The following NAV2 variants were observed in gnomAD, a reference collection of about 807,000 sequenced individuals.
The protein encoded by NAV2 is helicase, APC down-regulated 1.
In NAV2, 54 loss-of-function variants were observed where a neutral mutation model predicts 223.2. The observed-to-expected ratio is 0.24, with a 90% confidence interval of 0.19 to 0.30. NAV2 has a LOEUF of 0.30. Among genes scored for constraint, NAV2 ranks in the 10% least tolerant of loss-of-function variants. The pLI is 1.00. For missense variants in NAV2, 2,806 were observed against 3,147.5 expected (o/e 0.89, Z 2.60); for synonymous variants, 1,279 against 1,239.3 (o/e 1.03, Z -0.67).
chr11:19,732,211 A>G (rs1388785343), intron 1 of NAV2, among the ~76,000 whole-genome samples: 2 of 151,696 alleles, frequency 1.3e-5, no homozygotes, highest in Admixed American at 6.6e-5. Flanking sequence ...GTGAGACGAA[A>G]TCATGCCACT....
At chr11:19,395,416 G>T (rs916812233) in intron 1 of NAV2, among the ~76,000 whole-genome samples, 1 of 152,180 alleles carries the variant, frequency 6.6e-6, no homozygotes, top group African/African-American at 2.4e-5. Context: ...TGACAAAACT[G>T]CCCCAGTCAG....
chr11:19,364,232 C>G (rs1414648338), intron 1 of NAV2, among the ~76,000 whole-genome samples: 1 of 152,226 alleles, frequency 6.6e-6, no homozygotes, highest in African/African-American at 2.4e-5. Flanking sequence ...GCTCCTTTCA[C>G]TCCTATCACT....
chr11:19,821,143 T>G lies in NAV2; in HGVS notation c.268-11341T>G, dbSNP rs1302248878. Among the ~76,000 whole-genome samples the G allele has an allele frequency of 3.3e-5, 5 of 151,690 alleles. No homozygotes were observed. In the Middle Eastern group the frequency reaches 0.014, roughly 416 times the overall value. On this transcript the variant is annotated intron_variant, in intron 1 of 37. Transcript: ENST00000349880. ...CAGGCGTGGTGGCAGGCACCTGTAG[T>G]CCCAGCTACTTGGGAGGCTGAGGCA... is the stretch of plus-strand genomic sequence containing the variant.
intron 1 of NAV2, among the ~76,000 whole-genome samples, chr11:19,822,901 G>A (rs1305260421): frequency 2.0e-5 from 3 of 152,148 alleles, no homozygotes; most frequent in Non-Finnish European, 4.4e-5. Flanking sequence ...AGTCTTACCT[G>A]GCTCAAGATC....
intron 1 of NAV2, among the ~76,000 whole-genome samples, chr11:19,583,152 G>T (rs901576317): frequency 6.6e-6 from 1 of 152,168 alleles, no homozygotes; most frequent in African/African-American, 2.4e-5. Flanking sequence ...GTGAATAGGA[G>T]TTCACTCATG....
chr11:19,390,600 G>T (rs1849209479), intron 1 of NAV2, among the ~76,000 whole-genome samples: 1 of 152,140 alleles, frequency 6.6e-6, no homozygotes, highest in South Asian at 2.1e-4. Flanking sequence ...CAAACCAAAT[G>T]GTCAGGGAAT....
At chr11:19,514,981 C>G (rs1010588433) in intron 1 of NAV2, among the ~76,000 whole-genome samples, 4 of 152,168 alleles carry the variant, frequency 2.6e-5, no homozygotes, top group Admixed American at 6.5e-5. Context: ...TCCTTCCCAG[C>G]TGAATGTCTG....
chr11:19,981,277 C>G (rs1212463882), intron 10 of NAV2: 1 of 152,202 alleles, frequency 6.6e-6, no homozygotes, highest in East Asian at 1.9e-4. Flanking sequence ...AGAGGCTTTC[C>G]CGCTTTTCTG....
At chr11:19,441,877 G>A (rs1408175902) in intron 1 of NAV2, among the ~76,000 whole-genome samples, 1 of 152,162 alleles carries the variant, frequency 6.6e-6, no homozygotes, top group Non-Finnish European at 1.5e-5. Flanking sequence ...AATTTGGTCT[G>A]GGAGCTCTCC....
intron 3 of NAV2, among the ~76,000 whole-genome samples, chr11:19,861,552 A>G (rs576886551): frequency 5.9e-5 from 9 of 152,342 alleles, no homozygotes; most frequent in African/African-American, 1.4e-4. Context: ...CCTAGGGGGT[A>G]GGTGTTATAA....
At chr11:19,827,467 C>T (rs374831506) in intron 1 of NAV2, among the ~76,000 whole-genome samples, 11 of 152,254 alleles carry the variant, frequency 7.2e-5, no homozygotes, top group South Asian at 6.2e-4. Context: ...GTTTGCCAGC[C>T]GCTGCCTTAT....
intron 1 of NAV2, among the ~76,000 whole-genome samples, chr11:19,498,464 G>A (rs2042867377): frequency 1.3e-5 from 2 of 152,232 alleles, no homozygotes; most frequent in Non-Finnish European, 2.9e-5. Flanking sequence ...GAAAGGTGCA[G>A]TTAGAACTCA....
rs73418267 is a variant in NAV2 at position 19,495,111 on chromosome 11, C to A, written c.75+144084C>A. Reference sequence around the variant, plus strand: ...TGGACTGGACAGTTTGGAGGGGACACTTATCAGCCCCTTAGGTCACAGCAT... The same window carrying A: ...TGGACTGGACAGTTTGGAGGGGACAATTATCAGCCCCTTAGGTCACAGCAT... On this transcript the variant is annotated intron_variant, in intron 1 of 37. Transcript: ENST00000360655. Among the ~76,000 whole-genome samples, 1,193 of 152,294 alleles carry A rather than the reference C, an allele frequency of 7.8e-3. 22 individuals are homozygous for A. The highest frequency in any genetic ancestry group is 0.027 in the African/African-American group (1,121 of 41,554).
chr11:19,655,571 A>G (rs2048097332), intron 1 of NAV2, among the ~76,000 whole-genome samples: 2 of 152,158 alleles, frequency 1.3e-5, no homozygotes, highest in African/African-American at 2.4e-5. Context: ...CAAAAAAAGG[A>G]TGAGTTCATG....
At chr11:19,825,185 G>A (rs770878768) in intron 1 of NAV2, among the ~76,000 whole-genome samples, 5 of 148,072 alleles carry the variant, frequency 3.4e-5, no homozygotes, top group South Asian at 2.2e-4. Context: ...CCAGCTACTT[G>A]GGAGGCTGTG....
At chr11:19,588,523 A>C (rs918380813) in intron 1 of NAV2, among the ~76,000 whole-genome samples, 1 of 152,150 alleles carries the variant, frequency 6.6e-6, no homozygotes, top group Admixed American at 6.5e-5. Context: ...GAAGATGATA[A>C]ACAAAGTCCT....
chr11:20,039,807 C>T (rs960195944), intron 12 of NAV2, among the ~76,000 whole-genome samples: 1 of 152,164 alleles, frequency 6.6e-6, no homozygotes, highest in Non-Finnish European at 1.5e-5. Context: ...AAAGATAATT[C>T]CATGTCAGTT....
At chr11:19,540,215 T>C (rs534175429) in intron 1 of NAV2, among the ~76,000 whole-genome samples, 41 of 152,294 alleles carry the variant, frequency 2.7e-4, no homozygotes, top group African/African-American at 9.6e-4. Flanking sequence ...AACTTGTCCC[T>C]GAGCTGCTCC....
rs569385846 is a variant in NAV2 at position 19,793,701 on chromosome 11, T to A, written c.268-38783T>A. Among the ~76,000 whole-genome samples the A allele has an allele frequency of 2.7e-3, 381 of 141,054 alleles. 2 individuals are homozygous for A. The highest frequency in any genetic ancestry group is 0.019 in the East Asian group (54 of 2,868). 92.5% of individuals were successfully genotyped at this position (141,054 alleles called of 152,430 possible). A position where few individuals can be genotyped will look rare whatever the true frequency, so the allele number is the denominator to read the frequency against. Reference sequence around the variant, plus strand: ...TTGTGTCGTGCCCTGTTTTAACCTTTCCCTGGCTACTCAAGGAAACAGAAT... The same window carrying A: ...TTGTGTCGTGCCCTGTTTTAACCTTACCCTGGCTACTCAAGGAAACAGAAT... On this transcript the variant is annotated intron_variant, in intron 1 of 37. Coordinates refer to ENST00000349880, the MANE Select transcript of NAV2 (RefSeq NM_145117.5).
Sources: gnomAD v4.1 joint callset for allele counts (sites outside exome capture counted in the v4.1 genomes callset) on GRCh38, gnomAD v4.1.1 for gene constraint, MANE v1.5 for transcripts, NCBI Gene and HGNC (gene_info 2026-07-23, HGNC 2026-07-21) for gene names.